The following EMC1 variants were observed in gnomAD, a reference collection of about 807,000 sequenced individuals.
EMC1 encodes KIAA0090.
A neutral mutation model predicts 128.8 loss-of-function variants in EMC1; 103 were observed. That is an observed-to-expected ratio of 0.80 (90% CI 0.68 to 0.94). The LOEUF is 0.94. Ranked by LOEUF, EMC1 falls within the 40% of genes least tolerant of loss-of-function variation. The pLI is 0.00. For missense variants in EMC1, 1,083 were observed against 1,250.6 expected (o/e 0.87, Z 2.02); for synonymous variants, 442 against 490.4 (o/e 0.90, Z 1.30).
chr1:19,243,509 G>C (rs1279684138), intron 4 of EMC1, 105 bp downstream of exon 4: 24 of 983,404 alleles, frequency 2.4e-5, no homozygotes, highest in Non-Finnish European at 3.9e-5. Context: ...TGGCTCTTCA[G>C]TGGTCCCTGG....
At chr1:19,250,751 T>C (rs2151969494) in intron 1 of EMC1, among the ~76,000 whole-genome samples, 1 of 152,344 alleles carries the variant, frequency 6.6e-6, no homozygotes, top group Admixed American at 6.5e-5. Flanking sequence ...AAACCCATTC[T>C]ACAGACAAAG....
At position 19,219,613 on chromosome 1, in the gene EMC1, G is replaced by C. The variant is rs548595466; in HGVS notation, c.2758C>G (p.Arg920Gly). The stretch of plus-strand genomic sequence containing the variant: ...CCCGAGGGAGCTGTGTAGATACCTC[G>C]CATTCGAGAAACTGTCTGGTTATAG... The part of the protein sequence containing the change: ...INYNQTVSRM[R>G]GIYTAPSGLE... The change falls in exon 22 of 23, where the codon CGA (arginine) becomes GGA (glycine). Residue 920 changes from arginine to glycine, a missense_variant. By Grantham distance (125) the Arg-to-Gly change is moderately radical. Coordinates refer to ENST00000477853, the MANE Select transcript of EMC1 (RefSeq NM_015047.3). 6.2e-7 allele frequency: 1 copy of C among 1,613,006 alleles called. No homozygotes were observed. Among genetic ancestry groups the C allele is most frequent in the Non-Finnish European group, 8.5e-7 (1 of 1,179,646 alleles).
Position 19,219,241 on chromosome 1 carries a change from T to A in EMC1, c.*62A>T. The A allele has an allele frequency of 6.4e-7, 1 of 1,550,414 alleles. No homozygotes were observed. The highest frequency in any genetic ancestry group is 8.9e-7 in the Non-Finnish European group (1 of 1,126,426). ...CTCCACCAATCCACCAAACTGCAGC[T>A]GTAGCTGCTTATCTGACCCACACTC... On this transcript the variant is annotated 3_prime_UTR_variant, in exon 23 of 23. Coordinates refer to ENST00000477853, the MANE Select transcript of EMC1 (RefSeq NM_015047.3).
At position 19,244,984 on chromosome 1, in the gene EMC1, A is replaced by G. The variant is rs756688114; in HGVS notation, c.142T>C (p.Ser48Pro). The change falls in exon 2 of 23, where the codon TCC (serine) becomes CCC (proline). Residue 48 changes from serine (S) to proline (P), a missense_variant. Ser to Pro is a moderately conservative substitution (Grantham distance 74). Coordinates refer to ENST00000477853, the MANE Select transcript of EMC1 (RefSeq NM_015047.3). ...GKVKFASLEF[S>P]PGSKKLVVAT... ...ACAACCAACTTCTTGGATCCAGGGG[A>G]AAATTCCAAGGAGGCAAACTTGACC... 3 of 1,613,806 alleles carry G rather than the reference A, an allele frequency of 1.9e-6. No individual in the cohort carries two copies. Among genetic ancestry groups the G allele is most frequent in the African/African-American group, 2.7e-5 (2 of 74,918 alleles).
At chr1:19,219,985 C>T (rs552372885) in intron 21 of EMC1, 16 of 374,430 alleles carry the variant, frequency 4.3e-5, no homozygotes, top group African/African-American at 8.1e-5. Flanking sequence ...AGAGGAAAGC[C>T]GACCATTTTA....
intron 12 of EMC1, 34 bp downstream of exon 12, chr1:19,237,107 GA>G (rs1558105596): frequency 6.8e-7 from 1 of 1,476,776 alleles, no homozygotes; most frequent in Admixed American, 1.7e-5. Context: ...AAGGCCTGGG[GA>G]AATAAAAAAA....
intron 4 of EMC1, among the ~76,000 whole-genome samples, chr1:19,242,975 T>C (rs2093614968): frequency 6.6e-6 from 1 of 152,208 alleles, no homozygotes; most frequent in African/African-American, 2.4e-5. Flanking sequence ...CGGTGGCTCA[T>C]GCCTGTAATC....
chr1:19,237,540 T>A (rs1268655720), intron 11 of EMC1, among the ~76,000 whole-genome samples: 1 of 152,120 alleles, frequency 6.6e-6, no homozygotes, highest in Non-Finnish European at 1.5e-5. Flanking sequence ...GGATTAGACT[T>A]TCCGCTTTAG....
intron 4 of EMC1, among the ~76,000 whole-genome samples, chr1:19,242,809 T>G (rs1256708283): frequency 1.3e-5 from 2 of 152,314 alleles, no homozygotes; most frequent in Admixed American, 1.3e-4. Flanking sequence ...TGCCTCCCAA[T>G]GGACAGCGGA....
chr1:19,230,583 A>G (rs2093513317), intron 17 of EMC1, among the ~76,000 whole-genome samples: 1 of 152,150 alleles, frequency 6.6e-6, no homozygotes, highest in Admixed American at 6.6e-5. Context: ...AAAAAAAAGA[A>G]AAAGAATGTG....
At chr1:19,229,590 T>C (rs547564422) in intron 17 of EMC1, among the ~76,000 whole-genome samples, 2 of 152,220 alleles carry the variant, frequency 1.3e-5, no homozygotes, top group Non-Finnish European at 2.9e-5. Flanking sequence ...CTCTTTTTAT[T>C]AACTCAGAAG....
chr1:19,230,229 C>A (rs2093509375), intron 17 of EMC1, among the ~76,000 whole-genome samples: 1 of 151,956 alleles, frequency 6.6e-6, no homozygotes. Flanking sequence ...CACATTCCTA[C>A]CTTCTACCCT....
Position 19,218,299 on chromosome 1 carries a change from G to T in EMC1, c.*1004C>A, listed in dbSNP as rs1290929965. On this transcript the variant is annotated 3_prime_UTR_variant, in exon 23 of 23. Transcript: ENST00000477853. ...GCAGTGCTATACACACAGTATGCCAGTTTCCCACCCCTACCCTCTTTCTCC... is the reference window on the plus strand; with the variant it reads ...GCAGTGCTATACACACAGTATGCCATTTTCCCACCCCTACCCTCTTTCTCC... The T allele has an allele frequency of 6.6e-6, 1 of 152,198 alleles. No homozygotes were observed. The highest frequency in any genetic ancestry group is 1.5e-5 in the Non-Finnish European group (1 of 68,034). 9.4% of individuals were successfully genotyped at this position (152,198 alleles called of 1,614,324 possible).
intron 17 of EMC1, among the ~76,000 whole-genome samples, chr1:19,229,885 T>A (rs1364321880): frequency 2.0e-5 from 3 of 152,150 alleles, no homozygotes; most frequent in Non-Finnish European, 4.4e-5. Context: ...GTCACAAAGT[T>A]AGTAAGTGAC....
chr1:19,238,899 T>A, intron 9 of EMC1, 42 bp from the exon 10 acceptor site: 1 of 1,341,690 alleles, frequency 7.5e-7, no homozygotes, highest in Non-Finnish European at 1.1e-6. Context: ...AGCCAAAGGG[T>A]CACTTCCCAG....
chr1:19,229,172 G>A (rs182423212), intron 17 of EMC1, among the ~76,000 whole-genome samples: 2 of 152,302 alleles, frequency 1.3e-5, no homozygotes, highest in Admixed American at 1.3e-4. Flanking sequence ...CCTGGGGAGG[G>A]GAAGACCGCT....
At chr1:19,250,174 C>T (rs536069549) in intron 1 of EMC1, among the ~76,000 whole-genome samples, 11 of 131,268 alleles carry the variant, frequency 8.4e-5, no homozygotes, top group Admixed American at 8.1e-4. Context: ...GCCATGAGAT[C>T]GCGCCATTAC....
In EMC1 at chr1:19,217,925, G is replaced by A. The variant is rs1234054519; in HGVS notation, c.*1378C>T. 6.6e-6 allele frequency: 1 copy of A among 152,160 alleles called. No homozygotes were observed. Among genetic ancestry groups the A allele is most frequent in the Non-Finnish European group, 1.5e-5 (1 of 68,024 alleles). The allele number at this position is 152,160 out of a possible 1,614,324, so 9.4% of individuals were successfully genotyped here. A position where few individuals can be genotyped will look rare whatever the true frequency, so the allele number is the denominator to read the frequency against. ...TACCATCAGCATATGACCATAGAAA[G>A]ATGACAAATTTTTAGATAACCTAAC... On this transcript the variant is annotated 3_prime_UTR_variant, in exon 23 of 23. Coordinates refer to ENST00000477853, the MANE Select transcript of EMC1 (RefSeq NM_015047.3).
At chr1:19,237,293 A>G (rs1572013137) in intron 11 of EMC1, 55 bp from the exon 12 acceptor site, 1 of 1,257,328 alleles carries the variant, frequency 8.0e-7, no homozygotes, top group Non-Finnish European at 1.2e-6. Flanking sequence ...TGCCTCTGAG[A>G]GCACCAGACC....
Sources: gnomAD v4.1 joint callset for allele counts (sites outside exome capture counted in the v4.1 genomes callset) on GRCh38, gnomAD v4.1.1 for gene constraint, MANE v1.5 for transcripts, NCBI Gene and HGNC (gene_info 2026-07-23, HGNC 2026-07-21) for gene names.